ELMO1: variants seen among roughly 807,000 people sequenced by gnomAD.
The protein encoded by ELMO1 is engulfment and cell motility 1.
A neutral mutation model predicts 98.9 loss-of-function variants in ELMO1; 26 were observed. That is an observed-to-expected ratio of 0.26 (90% confidence interval 0.19 to 0.36). The LOEUF is 0.36. Among genes scored for constraint, ELMO1 ranks in the 10% least tolerant of loss-of-function variants. ELMO1 has a pLI of 1.00. For missense variants in ELMO1, 627 were observed against 935.2 expected, an observed-to-expected ratio of 0.67 and a Z score of 4.30; for synonymous variants, 346 against 346.0, an observed-to-expected ratio of 1.00 and a Z score of 0.00.
intron 4 of ELMO1, among the ~76,000 whole-genome samples, chr7:37,292,364 C>G (rs1445701915): frequency 1.2e-5 from 1 of 85,028 alleles, no homozygotes; most frequent in African/African-American, 3.3e-5. Context: ...TCTGCCCGGC[C>G]GCCACCCCGT....
intron 16 of ELMO1, among the ~76,000 whole-genome samples, chr7:36,936,744 G>A (rs1002131743): frequency 3.3e-5 from 5 of 152,064 alleles, no homozygotes; most frequent in Non-Finnish European, 5.9e-5. Context: ...GTAAGCCACC[G>A]AATCTGGCCC....
chr7:37,365,025 C>G (rs1801846981), intron 1 of ELMO1, among the ~76,000 whole-genome samples: 1 of 152,128 alleles, frequency 6.6e-6, no homozygotes, highest in African/African-American at 2.4e-5. Context: ...AAGCTCCTCA[C>G]CCCCACACGT....
At position 37,096,722 on chromosome 7, in the gene ELMO1, C is replaced by A; in HGVS notation, c.1197G>T (p.Val399=). The change falls in exon 15 of 22, where the codon GTG becomes GTT. Residue 399 remains valine (V), a synonymous_variant. Coordinates refer to ENST00000310758, the MANE Select transcript of ELMO1 (RefSeq NM_014800.11). ...KHHQDAYIRI[V]LENSSREDKH... The stretch of plus-strand genomic sequence containing the variant: ...TGTCTTCTCGACTACTGTTCTCAAG[C>A]ACAATCTGTAATGGGAAAGGGAACA... 1.9e-6 allele frequency: 3 copies of A among 1,613,916 alleles called. No individual in the cohort carries two copies. Among genetic ancestry groups the A allele is most frequent in the Non-Finnish European group, 2.5e-6 (3 of 1,179,842 alleles).
chr7:36,875,581 C>G (rs146556988), intron 19 of ELMO1, among the ~76,000 whole-genome samples: 1 of 152,292 alleles, frequency 6.6e-6, no homozygotes, highest in African/African-American at 2.4e-5. Context: ...CTGTCACAAT[C>G]CCTTCAAGAA....
Position 37,249,884 on chromosome 7 carries a change from G to A in ELMO1, c.414-5493C>T, listed in dbSNP as rs184729457. Among the ~76,000 whole-genome samples, 12 of 152,248 alleles carry A rather than the reference G, an allele frequency of 7.9e-5. No homozygotes were observed. The East Asian group carries it at 2.3e-3, about 29-fold the overall frequency. ...ACTTGAGACCAGGAGTTCAACACCA[G>A]CCTGGGAAACACAGAGAGACCTTCG... On this transcript the variant is annotated intron_variant, in intron 6 of 21. Transcript: ENST00000310758.
intron 2 of ELMO1, among the ~76,000 whole-genome samples, chr7:37,318,391 T>C (rs1006684287): frequency 1.4e-4 from 21 of 152,206 alleles, no homozygotes; most frequent in African/African-American, 4.3e-4. Context: ...TTAAATTACA[T>C]TGAAACAAAA....
At chr7:36,976,639 T>C (rs1425885462) in intron 16 of ELMO1, among the ~76,000 whole-genome samples, 1 of 152,192 alleles carries the variant, frequency 6.6e-6, no homozygotes, top group African/African-American at 2.4e-5. Context: ...TTTATATACT[T>C]TGAGCAACAC....
chr7:37,157,073 T>G (rs1041599123), intron 13 of ELMO1, among the ~76,000 whole-genome samples: 4 of 152,258 alleles, frequency 2.6e-5, no homozygotes, highest in Admixed American at 2.0e-4. Flanking sequence ...AAACCACGAT[T>G]ATCTCAATAG....
intron 16 of ELMO1, among the ~76,000 whole-genome samples, chr7:36,937,241 T>C (rs1786617845): frequency 6.6e-6 from 1 of 152,156 alleles, no homozygotes; most frequent in African/African-American, 2.4e-5. Flanking sequence ...TGGAGCAGAG[T>C]TGGCCCCTAG....
chr7:37,192,814 A>AAAT (rs1491442341), intron 13 of ELMO1, among the ~76,000 whole-genome samples: 1 of 143,606 alleles, frequency 7.0e-6, no homozygotes, highest in African/African-American at 2.6e-5. Flanking sequence ...AAAAAAAAAA[A>AAAT]TGTGTGTGTG....
In ELMO1 at chr7:37,050,609, A is replaced by AACACACACACACACACACAC. The variant is rs60918785; in HGVS notation, c.1301-37194_1301-37175dup. On this transcript the variant is annotated intron_variant, in intron 15 of 21. Transcript: ENST00000310758. ...AAGAGAGTAGATTTTAGGTGCTCTGAACACACACACACACACACACACACA... is the reference window on the plus strand; with the variant it reads ...AAGAGAGTAGATTTTAGGTGCTCTGAACACACACACACACACACACACACACACACACACACACACACACA... Among the ~76,000 whole-genome samples the AACACACACACACACACACAC allele has an allele frequency of 3.1e-5, 4 of 129,606 alleles. 1 individual carries two copies. The highest frequency in any genetic ancestry group is 2.3e-4 in the Admixed American group (3 of 12,922). The allele number at this position is 129,606 out of a possible 152,430, so 85.0% of individuals were successfully genotyped here. A position where few individuals can be genotyped will look rare whatever the true frequency, so the allele number is the denominator to read the frequency against.
At chr7:36,912,558 C>G (rs1259604453) in intron 16 of ELMO1, among the ~76,000 whole-genome samples, 1 of 152,034 alleles carries the variant, frequency 6.6e-6, no homozygotes, top group Non-Finnish European at 1.5e-5. Context: ...AGGGCCAACC[C>G]CTTAGGATGT....
At chr7:37,380,967 CA>C (rs1802554267) in intron 1 of ELMO1, among the ~76,000 whole-genome samples, 1 of 152,102 alleles carries the variant, frequency 6.6e-6, no homozygotes, top group South Asian at 2.1e-4. Context: ...ACAGAAAGCA[CA>C]AAAATGTGAA....
chr7:37,187,644 A>G lies in ELMO1; in HGVS notation c.1086+23742T>C, dbSNP rs971124733. Among the ~76,000 whole-genome samples, 13 of 152,248 alleles carry G rather than the reference A, an allele frequency of 8.5e-5. No homozygotes were observed. The East Asian group carries it at 2.5e-3, about 29-fold the overall frequency. ...ACCAGTTTTTTATTATCAGTCATCT[A>G]CTCCAAATGAATTCTGATAGTAAAG... On this transcript the variant is annotated intron_variant, in intron 13 of 21. Coordinates refer to ENST00000310758, the MANE Select transcript of ELMO1 (RefSeq NM_014800.11).
intron 15 of ELMO1, among the ~76,000 whole-genome samples, chr7:37,079,984 A>T (rs1797778574): frequency 1.3e-5 from 2 of 152,202 alleles, no homozygotes; most frequent in South Asian, 2.1e-4. Flanking sequence ...CTCCAATTAG[A>T]TGTCTAAACA....
intron 20 of ELMO1, among the ~76,000 whole-genome samples, chr7:36,865,705 C>T (rs1049666719): frequency 2.0e-5 from 3 of 152,196 alleles, no homozygotes; most frequent in African/African-American, 7.2e-5. Flanking sequence ...TCTCAACTCT[C>T]CCAGGCTCCA....
intron 16 of ELMO1, among the ~76,000 whole-genome samples, chr7:36,932,582 C>T (rs1451820008): frequency 2.0e-5 from 3 of 152,094 alleles, no homozygotes; most frequent in South Asian, 2.1e-4. Flanking sequence ...ACTAAGTGAA[C>T]GAAGTGAAAC....
At chr7:37,390,789 G>C (rs1803035595) in intron 1 of ELMO1, among the ~76,000 whole-genome samples, 1 of 152,208 alleles carries the variant, frequency 6.6e-6, no homozygotes, top group African/African-American at 2.4e-5. Flanking sequence ...TCCACCAGGT[G>C]TTGAGGGCCA....
chr7:36,971,308 T>G (rs945508543), intron 16 of ELMO1, among the ~76,000 whole-genome samples: 1 of 152,176 alleles, frequency 6.6e-6, no homozygotes, highest in Non-Finnish European at 1.5e-5. Context: ...TAAATTAAAT[T>G]GAGAAAAATT....
Sources: allele counts gnomAD v4.1 joint callset (sites outside exome capture counted in the v4.1 genomes callset), GRCh38; gene constraint gnomAD v4.1.1; transcripts MANE v1.5; gene names NCBI Gene and HGNC (gene_info 2026-07-23, HGNC 2026-07-21).